SYT14: variants seen among roughly 807,000 people sequenced by gnomAD.
The protein encoded by SYT14 is synaptotagmin 14, also known as synaptotagmin-14.
SYT14 carries 32 observed loss-of-function variants against 74.2 expected under a neutral mutation model. The ratio of observed to expected loss-of-function variants is 0.43; its 90% CI spans 0.33 to 0.58. SYT14 has a LOEUF of 0.58. Among genes scored for constraint, SYT14 ranks in the 20% least tolerant of loss-of-function variants. The probability of loss-of-function intolerance (pLI) is 0.05; values close to 1 mark genes in which losing one functional copy is unlikely to be tolerated. For missense variants in SYT14, 791 were observed against 981.8 expected, an observed-to-expected ratio of 0.81 and a Z score of 2.60; for synonymous variants, 298 against 337.7, an observed-to-expected ratio of 0.88 and a Z score of 1.29.
rs539822519 is a variant in SYT14, at chr1:209,942,914, GTATA to G, written c.-534+4639_-534+4642del. Among the ~76,000 whole-genome samples the G allele has an allele frequency of 3.4e-3, 518 of 152,226 alleles. 4 individuals carry two copies. The highest frequency in any genetic ancestry group is 0.012 in the African/African-American group (504 of 41,550). On this transcript the variant is annotated intron_variant, in intron 1 of 9. Coordinates refer to ENST00000637265, the Ensembl canonical transcript of SYT14. ...CTAGTGAGAATCTATGTGTGTGTTT[GTATA>G]TGTGTGTGTGTGTATATAGTGCATT...
chr1:210,150,491 C>T (rs2083136456), intron 7 of SYT14, among the ~76,000 whole-genome samples: 2 of 152,188 alleles, frequency 1.3e-5, no homozygotes, highest in African/African-American at 4.8e-5. Context: ...TGATCTCCTC[C>T]TTACCTAGTT....
intron 2 of SYT14, among the ~76,000 whole-genome samples, chr1:209,968,739 T>A (rs573790921): frequency 2.5e-4 from 38 of 151,260 alleles, no homozygotes; most frequent in African/African-American, 7.7e-4. Flanking sequence ...TTTTTTTTTT[T>A]AATAATTTAA....
intron 2 of SYT14, among the ~76,000 whole-genome samples, chr1:209,971,599 T>C (rs962129117): frequency 6.6e-6 from 1 of 152,332 alleles, no homozygotes; most frequent in Admixed American, 6.5e-5. Flanking sequence ...CACAAAGGGA[T>C]GTTGGATTTT....
At chr1:210,169,221 G>GTTTTGTTTTTTTTTTTTTT (rs2083492384) in exon 10 of SYT14, 2 of 50,248 alleles carry the variant, frequency 4.0e-5, no homozygotes, top group African/African-American at 1.6e-4. Context: ...TGTTTTTGGT[G>GTTTTGTTTTTTTTTTTTTT]TTTTTTTTTT....
Position 210,095,459 on chromosome 1 carries a change from G to C in SYT14, c.1584+866G>C, listed in dbSNP as rs1269134138. On this transcript the variant is annotated intron_variant, in intron 6 of 9. Coordinates refer to ENST00000637265, the Ensembl canonical transcript of SYT14. The stretch of plus-strand genomic sequence containing the variant: ...TGTAGAGACAGGCTCTCACTATGTT[G>C]CCCAGGCTGGTCTCAAATTCCTGGG... Among the ~76,000 whole-genome samples, 10 of 152,212 alleles carry C rather than the reference G, an allele frequency of 6.6e-5. No homozygotes were observed. In the East Asian group the frequency reaches 1.5e-3, roughly 24 times the overall value.
At chr1:210,128,679 C>G (rs1410771318) in intron 7 of SYT14, among the ~76,000 whole-genome samples, 1 of 152,178 alleles carries the variant, frequency 6.6e-6, no homozygotes, top group East Asian at 1.9e-4. Flanking sequence ...CTCTACCAAT[C>G]ATTTGCATCA....
At chr1:209,953,468 T>C (rs571241119) in intron 2 of SYT14, among the ~76,000 whole-genome samples, 1 of 152,330 alleles carries the variant, frequency 6.6e-6, no homozygotes, top group South Asian at 2.1e-4. Context: ...GCACTTTCTT[T>C]TCTTGCATCT....
intron 7 of SYT14, among the ~76,000 whole-genome samples, chr1:210,119,124 A>G (rs1281698185): frequency 6.6e-6 from 1 of 152,196 alleles, no homozygotes; most frequent in Non-Finnish European, 1.5e-5. Context: ...TCAGCAAACT[A>G]CTAGTAATTA....
intron 5 of SYT14, among the ~76,000 whole-genome samples, chr1:210,042,994 G>C (rs2080822005): frequency 6.6e-6 from 1 of 152,164 alleles, no homozygotes; most frequent in Non-Finnish European, 1.5e-5. Flanking sequence ...AGCATGGAAT[G>C]TTTTTCCATT....
At chr1:210,051,913 A>G (rs1288753227) in intron 5 of SYT14, among the ~76,000 whole-genome samples, 1 of 152,182 alleles carries the variant, frequency 6.6e-6, no homozygotes, top group Non-Finnish European at 1.5e-5. Context: ...TACATTTAAT[A>G]TGATTGAGAC....
chr1:210,163,785 A>G (rs540464859), exon 10 of SYT14: 1 of 453,848 alleles, frequency 2.2e-6, no homozygotes, highest in Admixed American at 2.4e-5. Flanking sequence ...AATCTAATGT[A>G]CGAGACAGTA....
chr1:209,996,373 G>A (rs548610813), intron 2 of SYT14, among the ~76,000 whole-genome samples: 1 of 152,178 alleles, frequency 6.6e-6, no homozygotes, highest in South Asian at 2.1e-4. Flanking sequence ...TAAAATCCTG[G>A]AAACATGCAG....
At chr1:210,130,676 G>T (rs999468089) in intron 7 of SYT14, among the ~76,000 whole-genome samples, 2 of 152,124 alleles carry the variant, frequency 1.3e-5, no homozygotes, top group African/African-American at 4.8e-5. Context: ...TAAAAGATTT[G>T]TTCCAAAATA....
intron 2 of SYT14, among the ~76,000 whole-genome samples, chr1:209,984,214 A>T (rs1206853531): frequency 6.6e-6 from 1 of 152,196 alleles, no homozygotes; most frequent in Non-Finnish European, 1.5e-5. Flanking sequence ...TTTAGCGCCA[A>T]CTAGCCAGTC....
At chr1:210,071,139 T>C (rs1320153032) in intron 5 of SYT14, among the ~76,000 whole-genome samples, 1 of 151,646 alleles carries the variant, frequency 6.6e-6, no homozygotes, top group African/African-American at 2.4e-5. Flanking sequence ...AAAGATGCCT[T>C]CCCCCTCTAC....
At chr1:210,078,662 A>G (rs1370936255) in intron 5 of SYT14, among the ~76,000 whole-genome samples, 1 of 152,122 alleles carries the variant, frequency 6.6e-6, no homozygotes, top group African/African-American at 2.4e-5. Context: ...TCATGAAAAC[A>G]TGTTACCCTA....
intron 5 of SYT14, among the ~76,000 whole-genome samples, chr1:210,074,325 A>T (rs1330929372): frequency 6.6e-6 from 1 of 152,198 alleles, no homozygotes; most frequent in East Asian, 1.9e-4. Flanking sequence ...ATCATCAGAG[A>T]TGTAAATAAG....
intron 2 of SYT14, among the ~76,000 whole-genome samples, chr1:209,989,661 A>G (rs888710596): frequency 3.9e-5 from 6 of 152,186 alleles, no homozygotes; most frequent in African/African-American, 1.4e-4. Context: ...AATGTGTATT[A>G]TATTTACGTA....
At chr1:210,004,375 G>A (rs1371534556) in intron 2 of SYT14, among the ~76,000 whole-genome samples, 1 of 151,896 alleles carries the variant, frequency 6.6e-6, no homozygotes, top group Non-Finnish European at 1.5e-5. Context: ...CAGGTCATTG[G>A]TAAAGGTATT....
Sources: allele counts gnomAD v4.1 joint callset (sites outside exome capture counted in the v4.1 genomes callset), GRCh38; gene constraint gnomAD v4.1.1; transcripts MANE v1.5; gene names NCBI Gene and HGNC (gene_info 2026-07-23, HGNC 2026-07-21).